HRH1: variants seen among roughly 807,000 people sequenced by gnomAD.
HRH1 encodes the protein histamine H1 receptor.
A neutral mutation model predicts 10.3 loss-of-function variants in HRH1; 6 were observed. The observed-to-expected ratio is 0.58, with a 90% confidence interval of 0.32 to 1.15. HRH1 has a LOEUF of 1.15. Ranked by LOEUF, HRH1 falls within the 50% of genes most tolerant of loss-of-function variation. The probability of loss-of-function intolerance (pLI) is 0.05; values close to 1 mark genes in which losing one functional copy is unlikely to be tolerated. For missense variants in HRH1, 514 were observed against 615.3 expected (o/e 0.84, Z 1.74); for synonymous variants, 242 against 236.7 (o/e 1.02, Z -0.21).
intron 1 of HRH1, among the ~76,000 whole-genome samples, chr3:11,183,200 A>G (rs1337222652): frequency 6.6e-6 from 1 of 152,178 alleles, no homozygotes; most frequent in Non-Finnish European, 1.5e-5. Context: ...TCCAAGGCCA[A>G]CCTCAGCCTA....
chr3:11,183,086 A>G (rs974022568), intron 1 of HRH1, among the ~76,000 whole-genome samples: 2 of 152,200 alleles, frequency 1.3e-5, no homozygotes, highest in Non-Finnish European at 2.9e-5. Flanking sequence ...TGCTTTCATC[A>G]TCTCTTAGAC....
At chr3:11,165,690 A>G (rs1213403438) in intron 1 of HRH1, among the ~76,000 whole-genome samples, 1 of 152,162 alleles carries the variant, frequency 6.6e-6, no homozygotes, top group Non-Finnish European at 1.5e-5. Context: ...CTTTCTCTGC[A>G]TTGGTCACTA....
upstream of HRH1, among the ~76,000 whole-genome samples, chr3:11,153,982 T>A (rs1936713482): frequency 6.6e-6 from 1 of 152,170 alleles, no homozygotes; most frequent in Non-Finnish European, 1.5e-5. Flanking sequence ...CTTTTTCGAT[T>A]TTGGCGCCCC....
At chr3:11,139,482 G>A (rs1163749093) in intron 1 of HRH1, among the ~76,000 whole-genome samples, 2 of 152,012 alleles carry the variant, frequency 1.3e-5, no homozygotes, top group Non-Finnish European at 2.9e-5. Flanking sequence ...GTTTCACCGT[G>A]TTGGCAAAGC....
chr3:11,199,308 C>T (rs1937805077), intron 1 of HRH1, among the ~76,000 whole-genome samples: 1 of 152,172 alleles, frequency 6.6e-6, no homozygotes, highest in South Asian at 2.1e-4. Context: ...TTGAGCAACT[C>T]TCCTTAGAGT....
chr3:11,188,541 C>G (rs902337265), intron 1 of HRH1, among the ~76,000 whole-genome samples: 26 of 152,178 alleles, frequency 1.7e-4, no homozygotes, highest in African/African-American at 5.8e-4. Context: ...GGTGACAGAG[C>G]AAAACCCTGT....
At chr3:11,150,538 A>G (rs1936583471), upstream of HRH1, among the ~76,000 whole-genome samples, 1 of 152,254 alleles carries the variant, frequency 6.6e-6, no homozygotes, top group Non-Finnish European at 1.5e-5. Context: ...TGGGAGCCCA[A>G]CGTAGTGACA....
At chr3:11,161,063 G>T (rs1374466575) in intron 1 of HRH1, among the ~76,000 whole-genome samples, 1 of 151,772 alleles carries the variant, frequency 6.6e-6, no homozygotes, top group Admixed American at 6.6e-5. Context: ...CCTGCCTGTG[G>T]CCAAACCCAA....
At chr3:11,202,495 A>C (rs1937966915) in intron 1 of HRH1, among the ~76,000 whole-genome samples, 1 of 152,168 alleles carries the variant, frequency 6.6e-6, no homozygotes. Context: ...ATGATTTCTA[A>C]GACTTCTTCC....
intron 1 of HRH1, among the ~76,000 whole-genome samples, chr3:11,206,927 A>G (rs1347297254): frequency 6.6e-6 from 1 of 152,118 alleles, no homozygotes; most frequent in Non-Finnish European, 1.5e-5. Flanking sequence ...AAGCTGGAGG[A>G]GGAGTGTGGG....
At chr3:11,168,648 G>T (rs1361585794) in intron 1 of HRH1, among the ~76,000 whole-genome samples, 1 of 152,218 alleles carries the variant, frequency 6.6e-6, no homozygotes, top group Non-Finnish European at 1.5e-5. Context: ...TGCGTCCTGG[G>T]GCAACAGCGA....
chr3:11,219,513 A>G (rs982623690), intron 1 of HRH1, among the ~76,000 whole-genome samples: 7 of 151,914 alleles, frequency 4.6e-5, no homozygotes, highest in Non-Finnish European at 1.0e-4. Context: ...GGAGTTCAAA[A>G]CCAGCCTGGC....
chr3:11,195,603 G>A (rs934927849), intron 1 of HRH1, among the ~76,000 whole-genome samples: 36 of 152,316 alleles, frequency 2.4e-4, no homozygotes, highest in Non-Finnish European at 1.3e-4. Flanking sequence ...GAGCTATCTG[G>A]ATAATCTCTT....
At chr3:11,246,003 CACAT>C (rs982689208) in intron 1 of HRH1, among the ~76,000 whole-genome samples, 8 of 90,250 alleles carry the variant, frequency 8.9e-5, no homozygotes, top group African/African-American at 2.6e-4. Context: ...CACACACTTA[CACAT>C]ACACACATAC....
At chr3:11,246,284 A>G (rs1448651201) in intron 1 of HRH1, among the ~76,000 whole-genome samples, 4 of 152,206 alleles carry the variant, frequency 2.6e-5, no homozygotes, top group Non-Finnish European at 5.9e-5. Context: ...ACAAGCCCTC[A>G]TCTCACATGG....
At chr3:11,247,635 A>T (rs1052665321) in intron 1 of HRH1, among the ~76,000 whole-genome samples, 1 of 152,228 alleles carries the variant, frequency 6.6e-6, no homozygotes, top group Non-Finnish European at 1.5e-5. Flanking sequence ...ACAAGGAAGT[A>T]TAAGGAAGTT....
At chr3:11,173,675 C>T (rs186888119) in intron 1 of HRH1, among the ~76,000 whole-genome samples, 1 of 152,232 alleles carries the variant, frequency 6.6e-6, no homozygotes, top group Admixed American at 6.5e-5. Flanking sequence ...AGAAGTCCTG[C>T]AGTAAAATCT....
intron 1 of HRH1, among the ~76,000 whole-genome samples, chr3:11,148,001 G>A (rs1398074965): frequency 2.0e-5 from 3 of 152,100 alleles, no homozygotes; most frequent in Non-Finnish European, 4.4e-5. Context: ...CCAACATGGT[G>A]AAACTCTGTC....
At chr3:11,245,837 T>C (rs372745358) in intron 1 of HRH1, among the ~76,000 whole-genome samples, 2 of 152,252 alleles carry the variant, frequency 1.3e-5, no homozygotes, top group South Asian at 2.1e-4. Context: ...GAGGGCTTAC[T>C]AGTCTCCCTA....
Sources: gnomAD v4.1 joint callset for allele counts (sites outside exome capture counted in the v4.1 genomes callset) on GRCh38, gnomAD v4.1.1 for gene constraint, MANE v1.5 for transcripts, NCBI Gene and HGNC (gene_info 2026-07-23, HGNC 2026-07-21) for gene names.